SUMF1: variants seen among roughly 807,000 people sequenced by gnomAD.
SUMF1 encodes formylglycine-generating enzyme.
Under a neutral mutation model 47.6 loss-of-function variants are expected in SUMF1, and 48 were observed. That is an observed-to-expected ratio of 1.01 (90% CI 0.80 to 1.28). The LOEUF (loss-of-function observed/expected upper bound fraction) is 1.28. Among genes scored for constraint, SUMF1 ranks in the 50% most tolerant of loss-of-function variants. The pLI is 0.00. For synonymous variants in SUMF1, 230 were observed against 192.1 expected, an observed-to-expected ratio of 1.20 and a Z score of -1.63; for missense variants, 571 against 485.4, an observed-to-expected ratio of 1.18 and a Z score of -1.66.
intron 8 of SUMF1, among the ~76,000 whole-genome samples, chr3:4,218,240 C>T (rs1482733604): frequency 6.6e-6 from 1 of 151,902 alleles, no homozygotes; most frequent in Non-Finnish European, 1.5e-5. Context: ...TGCTTCTAGC[C>T]TCCTGAATTG....
chr3:4,376,089 G>A (rs1055035447), intron 8 of SUMF1, among the ~76,000 whole-genome samples: 5 of 152,224 alleles, frequency 3.3e-5, no homozygotes, highest in Non-Finnish European at 5.9e-5. Flanking sequence ...TCTCAAAGGG[G>A]CAAGATTCAA....
chr3:4,313,544 ATC>A (rs1698510188), intron 8 of SUMF1: 2 of 1,613,972 alleles, frequency 1.2e-6, no homozygotes, highest in African/African-American at 2.7e-5. Context: ...AGATATCTTA[ATC>A]TAACAGTCAG....
At chr3:4,185,997 C>T (rs752448055) in intron 8 of SUMF1, among the ~76,000 whole-genome samples, 1 of 152,136 alleles carries the variant, frequency 6.6e-6, no homozygotes, top group Non-Finnish European at 1.5e-5. Context: ...CTCACTTTGA[C>T]CTAAGATCCT....
chr3:4,376,246 G>C (rs1700323392), intron 8 of SUMF1, 84 bp downstream of exon 8: 2 of 1,498,938 alleles, frequency 1.3e-6, no homozygotes, highest in Admixed American at 3.3e-5. Context: ...AAGTGAATGA[G>C]ACATTTGGGG....
At chr3:4,223,907 C>T (rs925423003) in intron 8 of SUMF1, among the ~76,000 whole-genome samples, 1 of 152,124 alleles carries the variant, frequency 6.6e-6, no homozygotes, top group Non-Finnish European at 1.5e-5. Flanking sequence ...CTCTCTGAGC[C>T]TTCATTTCTT....
At chr3:4,434,991 G>C (rs1179447983) in intron 3 of SUMF1, among the ~76,000 whole-genome samples, 5 of 152,206 alleles carry the variant, frequency 3.3e-5, no homozygotes, top group Non-Finnish European at 4.4e-5. Context: ...GCAGTGGCGT[G>C]ATCTCAGCTC....
At chr3:4,389,571 T>C (rs1361796188) in intron 7 of SUMF1, among the ~76,000 whole-genome samples, 1 of 152,228 alleles carries the variant, frequency 6.6e-6, no homozygotes, top group Non-Finnish European at 1.5e-5. Flanking sequence ...CTTTGTTTTC[T>C]CCTCTGGGAT....
Position 4,102,921 on chromosome 3 carries a change from T to A in SUMF1, c.1015-34176A>T, listed in dbSNP as rs530943337. 5.0e-4 allele frequency among the ~76,000 whole-genome samples: 73 copies of A among 145,100 alleles called. 1 individual carries two copies. The highest frequency in any genetic ancestry group is 1.8e-3 in the African/African-American group (68 of 37,034). The stretch of plus-strand genomic sequence containing the variant: ...AAAAATGGATAGATGAACAGAAACT[T>A]CTTTTTTTTTTTTTAATTTGAGATG... On this transcript the variant is annotated intron_variant and NMD_transcript_variant, in intron 8 of 12. Transcript: ENST00000448413.
chr3:4,073,641 A>T (rs1692341756), intron 8 of SUMF1, among the ~76,000 whole-genome samples: 1 of 152,190 alleles, frequency 6.6e-6, no homozygotes, highest in East Asian at 1.9e-4. Context: ...ATGGGGGAAG[A>T]TCTACCAAGC....
intron 7 of SUMF1, among the ~76,000 whole-genome samples, chr3:4,391,434 T>A (rs978167201): frequency 1.8e-4 from 27 of 152,308 alleles, no homozygotes; most frequent in African/African-American, 4.8e-4. Context: ...CATGATGTTG[T>A]TGCACAGGGC....
intron 8 of SUMF1, among the ~76,000 whole-genome samples, chr3:4,258,627 G>C (rs974861583): frequency 1.3e-5 from 2 of 152,062 alleles, no homozygotes; most frequent in Non-Finnish European, 2.9e-5. Flanking sequence ...GTGCTTGAGA[G>C]GATGTGGAGA....
chr3:4,435,680 T>C (rs1471353035), intron 3 of SUMF1, among the ~76,000 whole-genome samples: 8 of 152,142 alleles, frequency 5.3e-5, no homozygotes, highest in Non-Finnish European at 2.9e-5. Context: ...AAGAGAAGTG[T>C]TTGAAATGAC....
At chr3:4,035,431 T>C (rs375391986) in intron 9 of SUMF1, among the ~76,000 whole-genome samples, 4 of 152,226 alleles carry the variant, frequency 2.6e-5, no homozygotes, top group African/African-American at 9.6e-5. Context: ...CTCCCTGTTA[T>C]CATCCTCTTT....
intron 9 of SUMF1, among the ~76,000 whole-genome samples, chr3:4,052,711 G>A (rs1695134348): frequency 6.6e-6 from 1 of 152,104 alleles, no homozygotes; most frequent in African/African-American, 2.4e-5. Context: ...CAAGAGATAG[G>A]CAGAACAATT....
intron 9 of SUMF1, among the ~76,000 whole-genome samples, chr3:4,039,937 C>G (rs1694880619): frequency 6.6e-6 from 1 of 152,050 alleles, no homozygotes; most frequent in South Asian, 2.1e-4. Flanking sequence ...ATAGGAGGAT[C>G]ACTTGAGCCC....
intron 8 of SUMF1, among the ~76,000 whole-genome samples, chr3:4,294,302 C>T (rs529189040): frequency 6.6e-6 from 1 of 152,250 alleles, no homozygotes; most frequent in East Asian, 1.9e-4. Context: ...TGGCCACGTC[C>T]ATTCATTCTC....
chr3:4,125,468 C>A (rs1331269025), intron 8 of SUMF1, among the ~76,000 whole-genome samples: 1 of 152,150 alleles, frequency 6.6e-6, no homozygotes, highest in African/African-American at 2.4e-5. Context: ...TACATTAACA[C>A]CCATGGGTAC....
At chr3:4,123,824 T>C (rs531810583) in intron 8 of SUMF1, among the ~76,000 whole-genome samples, 1 of 152,156 alleles carries the variant, frequency 6.6e-6, no homozygotes, top group Non-Finnish European at 1.5e-5. Context: ...GTATATGATA[T>C]ATATGGGGGC....
At chr3:4,073,065 A>T (rs996094479) in intron 8 of SUMF1, among the ~76,000 whole-genome samples, 2 of 152,218 alleles carry the variant, frequency 1.3e-5, no homozygotes, top group Non-Finnish European at 2.9e-5. Flanking sequence ...GAAGGAAAAA[A>T]TGTTAACGGC....
Sources: allele counts gnomAD v4.1 joint callset (sites outside exome capture counted in the v4.1 genomes callset), GRCh38; gene constraint gnomAD v4.1.1; transcripts MANE v1.5; gene names NCBI Gene and HGNC (gene_info 2026-07-23, HGNC 2026-07-21).